The following ATG4D variants were observed in gnomAD, a reference collection of about 807,000 sequenced individuals.
The protein encoded by ATG4D is cysteine protease ATG4D.
ATG4D carries 51 observed loss-of-function variants against 55.2 expected under a neutral mutation model. That is an observed-to-expected ratio of 0.92 (90% CI 0.74 to 1.17). The LOEUF is 1.17. Among genes scored for constraint, ATG4D ranks in the 50% most tolerant of loss-of-function variants. ATG4D has a pLI of 0.00. For missense variants in ATG4D, 635 were observed against 649.6 expected, an observed-to-expected ratio of 0.98 and a Z score of 0.25; for synonymous variants, 268 against 266.2, an observed-to-expected ratio of 1.01 and a Z score of -0.07.
At chr19:10,551,030 G>A (rs1242997931) in intron 6 of ATG4D, 12 of 152,120 alleles carry the variant, frequency 7.9e-5, no homozygotes, top group South Asian at 2.1e-4. Flanking sequence ...TATTTTTTGC[G>A]TGGGGGGTTT....
In ATG4D at chr19:10,552,955, A is replaced by G; in HGVS notation, c.1313A>G (p.His438Arg). The G allele has an allele frequency of 6.2e-7, 1 of 1,613,764 alleles. No individual in the cohort carries two copies. Among genetic ancestry groups the G allele is most frequent in the Non-Finnish European group, 8.5e-7 (1 of 1,179,988 alleles). ...CTGGCCGAGGGCCATGCTCAGGACCACAGCCTGGACGACCTCTGCTCCCAG... is the reference window on the plus strand; with the variant it reads ...CTGGCCGAGGGCCATGCTCAGGACCGCAGCCTGGACGACCTCTGCTCCCAG... ...FTLAEGHAQD[H>R]SLDDLCSQLA... Residue 438 changes from histidine (H) to arginine (R), a missense_variant, in exon 10 of 10, where the codon CAC (histidine) becomes CGC (arginine). Transcript: ENST00000309469.
intron 1 of ATG4D, chr19:10,544,560 T>G (rs1915970546): frequency 6.7e-6 from 7 of 1,041,244 alleles, no homozygotes; most frequent in Non-Finnish European, 9.2e-6. Flanking sequence ...TTTGCCCCTC[T>G]CTGTAAAATG....
At chr19:10,547,307 C>T (rs1916069971) in intron 5 of ATG4D, 54 bp downstream of exon 5, 2 of 1,583,252 alleles carry the variant, frequency 1.3e-6, no homozygotes, top group South Asian at 2.2e-5. Context: ...CAGACTCTGC[C>T]TTACCCGATT....
chr19:10,546,560 G>T (rs1916035132), intron 3 of ATG4D, among the ~76,000 whole-genome samples: 1 of 151,518 alleles, frequency 6.6e-6, no homozygotes, highest in African/African-American at 2.4e-5. Context: ...CACCATGTTG[G>T]CCAGGCTGGT....
chr19:10,553,307 C>T lies in ATG4D; in HGVS notation c.*240C>T, dbSNP rs1916367837. On this transcript the variant is annotated 3_prime_UTR_variant, in exon 10 of 10. Transcript: ENST00000309469. Reference sequence around the variant, plus strand: ...GAAGGAGGACCCCGGGCACCCCCCTCAGGGCCTGACTCACGTACTGTAGTT... The same window carrying T: ...GAAGGAGGACCCCGGGCACCCCCCTTAGGGCCTGACTCACGTACTGTAGTT... 2.0e-6 allele frequency: 1 copy of T among 511,952 alleles called. No homozygotes were observed. Among genetic ancestry groups the T allele is most frequent in the Non-Finnish European group, 3.5e-6 (1 of 289,390 alleles). The allele number at this position is 511,952 out of a possible 1,614,324, so 31.7% of individuals were successfully genotyped here.
intron 3 of ATG4D, among the ~76,000 whole-genome samples, chr19:10,546,202 T>C (rs1916024929): frequency 6.6e-6 from 1 of 151,982 alleles, no homozygotes; most frequent in African/African-American, 2.4e-5. Context: ...CATGTGCCTG[T>C]GATCCCAACT....
At chr19:10,549,572 C>T (rs903764210) in intron 6 of ATG4D, among the ~76,000 whole-genome samples, 3 of 152,170 alleles carry the variant, frequency 2.0e-5, no homozygotes, top group African/African-American at 7.2e-5. Context: ...CGTGTGCCAC[C>T]ACGCCCGGCT....
At chr19:10,544,368 T>G in intron 1 of ATG4D, 43 bp downstream of exon 1, 1 of 1,286,988 alleles carries the variant, frequency 7.8e-7, no homozygotes, top group Non-Finnish European at 9.9e-7. Flanking sequence ...CGGGGGCCGT[T>G]GAGGAAAACC....
intron 3 of ATG4D, among the ~76,000 whole-genome samples, chr19:10,545,951 T>A (rs1344072682): frequency 6.6e-6 from 1 of 152,008 alleles, no homozygotes; most frequent in African/African-American, 2.4e-5. Flanking sequence ...GGAAGATTGC[T>A]CGTGCCCAGG....
rs757388071 is a variant in ATG4D, at chr19:10,553,054, TTG to T, written c.1416_1417del (p.Leu474IlefsTer30). ...GCCAAACGCCCCAGCTCTGAGGACT[TTG>T]TGTTTTTATAAAGGGAGGGGATGAG... On this transcript the variant is annotated frameshift_variant, in exon 10 of 10. Coordinates refer to ENST00000309469, the MANE Select transcript of ATG4D (RefSeq NM_032885.6). LOFTEE classifies it high-confidence loss of function. The T allele has an allele frequency of 6.9e-5, 110 of 1,600,660 alleles. No homozygotes were observed. The highest frequency in any genetic ancestry group is 6.1e-5 in the Non-Finnish European group (72 of 1,174,540).
intron 9 of ATG4D, 50 bp downstream of exon 9, chr19:10,552,374 C>A: frequency 6.4e-7 from 1 of 1,568,028 alleles, no homozygotes. Context: ...TTGGGCAGGG[C>A]TGGGGGTGAA....
In ATG4D at chr19:10,548,771, T is replaced by C; in HGVS notation, c.836-133T>C. 6 of 1,322,886 alleles carry C rather than the reference T, an allele frequency of 4.5e-6. No homozygotes were observed. The South Asian group carries it at 8.6e-5, about 19-fold the overall frequency. 81.9% of individuals were successfully genotyped at this position (1,322,886 alleles called of 1,614,324 possible). On this transcript the variant is annotated intron_variant, in intron 5 of 9. Transcript: ENST00000309469. ...GGGTGTTTGGGGGGCACTAGAATGA[T>C]GATTTTGGTTAGTGATGACAGTGTT...
chr19:10,544,719 G>A (rs778926903), intron 1 of ATG4D, 64 bp from the exon 2 acceptor site: 1 of 1,601,826 alleles, frequency 6.2e-7, no homozygotes, highest in Non-Finnish European at 8.5e-7. Flanking sequence ...ATGGGGGAAT[G>A]GAAGCGCTGT....
At position 10,544,216 on chromosome 19, in the gene ATG4D, C is replaced by CTG; in HGVS notation, c.126_127insTG (p.Gly43TrpfsTer29). ...CAGACCCCAACGGCCTGGGGCCTTCCGGAGCCAGCGGCCCCGCTCTTGGCT... is the reference window on the plus strand; with the variant it reads ...CAGACCCCAACGGCCTGGGGCCTTCCTGGGAGCCAGCGGCCCCGCTCTTGGCT... On this transcript the variant is annotated frameshift_variant, in exon 1 of 10. Coordinates refer to ENST00000309469, the MANE Select transcript of ATG4D (RefSeq NM_032885.6). LOFTEE classifies it high-confidence loss of function. The CTG allele has an allele frequency of 4.0e-6, 5 of 1,253,796 alleles. No individual in the cohort carries two copies. The highest frequency in any genetic ancestry group is 5.0e-6 in the Non-Finnish European group (5 of 991,184). 77.7% of individuals were successfully genotyped at this position (1,253,796 alleles called of 1,614,324 possible).
chr19:10,550,698 A>G (rs1443503135), intron 6 of ATG4D, among the ~76,000 whole-genome samples: 1 of 138,682 alleles, frequency 7.2e-6, no homozygotes, highest in African/African-American at 2.7e-5. Flanking sequence ...TTCAGCAGTG[A>G]TGCATGTGGC....
chr19:10,551,051 A>G (rs1916207414), intron 6 of ATG4D: 1 of 152,170 alleles, frequency 6.6e-6, no homozygotes, highest in Non-Finnish European at 1.5e-5. Flanking sequence ...TCCAGTGAGA[A>G]CCAGAAAACC....
In ATG4D at chr19:10,544,993, G is replaced by T; in HGVS notation, c.356G>T (p.Arg119Leu). The T allele has an allele frequency of 6.2e-7, 1 of 1,602,732 alleles. No individual in the cohort carries two copies. Among genetic ancestry groups the T allele is most frequent in the Middle Eastern group, 1.7e-4 (1 of 6,000 alleles). The change falls in exon 3 of 10, where the codon CGC becomes CTC. Residue 119 changes from arginine (R) to leucine (L), a missense_variant. Transcript: ENST00000309469. The part of the protein sequence containing the change: ...IQRFQRDFVS[R>L]LWLTYRRDFP... ...CGTTTCCAGCGGGACTTTGTGTCCCGCCTGTGGCTCACATACCGCCGGGAC... is the reference window on the plus strand; with the variant it reads ...CGTTTCCAGCGGGACTTTGTGTCCCTCCTGTGGCTCACATACCGCCGGGAC...
chr19:10,544,969 G>T lies in ATG4D; in HGVS notation c.332G>T (p.Arg111Leu). 1 of 1,591,314 alleles carries T rather than the reference G, an allele frequency of 6.3e-7. No homozygotes were observed. Among genetic ancestry groups the T allele is most frequent in the Non-Finnish European group, 8.6e-7 (1 of 1,167,968 alleles). The change falls in exon 3 of 10, where the codon CGT (arginine) becomes CTT (leucine). Residue 111 changes from arginine to leucine, a missense_variant. By Grantham distance (102) the Arg-to-Leu change is moderately radical. Coordinates refer to ENST00000309469, the MANE Select transcript of ATG4D (RefSeq NM_032885.6). Reference sequence around the variant, plus strand: ...CCCGCTCTTGTAGGTGACATACAGCGTTTCCAGCGGGACTTTGTGTCCCGC... The same window carrying T: ...CCCGCTCTTGTAGGTGACATACAGCTTTTCCAGCGGGACTTTGTGTCCCGC... Reference protein sequence around the residue: ...YRFEGEGDIQRFQRDFVSRLW... With the variant: ...YRFEGEGDIQLFQRDFVSRLW...
In ATG4D at chr19:10,545,645, A is replaced by C. The variant is rs577192124; in HGVS notation, c.493+515A>C. 2.0e-5 allele frequency among the ~76,000 whole-genome samples: 3 copies of C among 150,876 alleles called. No homozygotes were observed. In the East Asian group the frequency reaches 5.9e-4, roughly 30 times the overall value. Reference sequence around the variant, plus strand: ...GTAATCCCAGCACTTTGGGAGGCTGAGGCTGGTGGATCATGAGGTCAGGAG... The same window carrying C: ...GTAATCCCAGCACTTTGGGAGGCTGCGGCTGGTGGATCATGAGGTCAGGAG... On this transcript the variant is annotated intron_variant, in intron 3 of 9. Transcript: ENST00000309469.
Sources: allele counts gnomAD v4.1 joint callset (sites outside exome capture counted in the v4.1 genomes callset), GRCh38; gene constraint gnomAD v4.1.1; transcripts MANE v1.5; gene names NCBI Gene and HGNC (gene_info 2026-07-23, HGNC 2026-07-21).